ASAP1: variants seen among roughly 807,000 people sequenced by gnomAD.
ASAP1 encodes arf-GAP with SH3 domain, ANK repeat and PH domain-containing protein 1.
Under a neutral mutation model 145.2 loss-of-function variants are expected in ASAP1, and 43 were observed. The ratio of observed to expected loss-of-function variants is 0.30; its 90% CI spans 0.23 to 0.38. ASAP1 has a LOEUF of 0.38. Ranked by LOEUF, ASAP1 falls within the 10% of genes least tolerant of loss-of-function variation. The pLI is 1.00. For missense variants in ASAP1, 1,018 were observed against 1,355.3 expected, an observed-to-expected ratio of 0.75 and a Z score of 3.91; for synonymous variants, 546 against 515.5, an observed-to-expected ratio of 1.06 and a Z score of -0.80.
chr8:130,100,148 C>G (rs2097526113), intron 24 of ASAP1, among the ~76,000 whole-genome samples: 1 of 152,014 alleles, frequency 6.6e-6, no homozygotes, highest in Non-Finnish European at 1.5e-5. Flanking sequence ...ATAAGAGTTC[C>G]CCTTTCTCTG....
intron 27 of ASAP1, among the ~76,000 whole-genome samples, chr8:130,072,830 C>CGCGCGG (rs1448184178): frequency 4.4e-4 from 14 of 31,924 alleles, no homozygotes; most frequent in African/African-American, 1.8e-3. Flanking sequence ...TGTGTGCGCG[C>CGCGCGG]GGGGGGGGGC....
rs16904250 is a variant in ASAP1, at chr8:130,327,263, G to A, written c.186+30754C>T. 3.8e-3 allele frequency among the ~76,000 whole-genome samples: 580 copies of A among 152,202 alleles called. 1 individual carries two copies. Among genetic ancestry groups the A allele is most frequent in the African/African-American group, 0.012 (517 of 41,526 alleles). The stretch of plus-strand genomic sequence containing the variant: ...GCCCTGTCTGTCTTCCAATGGCTCC[G>A]CTCAAATAAGTCACTCATCCTCTCC... On this transcript the variant is annotated intron_variant, in intron 3 of 29. Transcript: ENST00000518721.
intron 3 of ASAP1, among the ~76,000 whole-genome samples, chr8:130,300,994 A>G (rs981343870): frequency 6.6e-6 from 1 of 152,166 alleles, no homozygotes; most frequent in Admixed American, 6.5e-5. Flanking sequence ...TCGCTAAATC[A>G]AAACCTAGGC....
At chr8:130,252,376 A>G (rs2136873345) in intron 3 of ASAP1, among the ~76,000 whole-genome samples, 1 of 152,316 alleles carries the variant, frequency 6.6e-6, no homozygotes, top group South Asian at 2.1e-4. Flanking sequence ...TTTTAAAATA[A>G]TTTCCTTATA....
chr8:130,421,785 C>T (rs991257776), intron 1 of ASAP1, among the ~76,000 whole-genome samples: 15 of 152,176 alleles, frequency 9.9e-5, no homozygotes, highest in Admixed American at 2.0e-4. Context: ...TTTGTTATTG[C>T]AGCTATTATC....
At chr8:130,199,281 T>C (rs1815711218) in intron 5 of ASAP1, among the ~76,000 whole-genome samples, 1 of 152,246 alleles carries the variant, frequency 6.6e-6, no homozygotes, top group African/African-American at 2.4e-5. Context: ...TGACTTGTTC[T>C]ATACACCAAA....
intron 3 of ASAP1, among the ~76,000 whole-genome samples, chr8:130,352,592 G>A (rs773376160): frequency 1.3e-5 from 2 of 152,170 alleles, no homozygotes; most frequent in African/African-American, 4.8e-5. Flanking sequence ...ACAGTAATGC[G>A]ATTAATCACA....
intron 25 of ASAP1, among the ~76,000 whole-genome samples, chr8:130,082,464 A>G (rs2097482808): frequency 6.7e-6 from 1 of 148,432 alleles, no homozygotes; most frequent in Non-Finnish European, 1.5e-5. Context: ...GGCCTCCCAA[A>G]GTGTTAGGAT....
intron 2 of ASAP1, among the ~76,000 whole-genome samples, chr8:130,387,760 T>A (rs1438040724): frequency 1.3e-5 from 2 of 152,076 alleles, no homozygotes; most frequent in Admixed American, 6.6e-5. Flanking sequence ...ATAACAGGCC[T>A]AGAATTGGTA....
chr8:130,302,106 A>C (rs1411786770), intron 3 of ASAP1, among the ~76,000 whole-genome samples: 1 of 152,272 alleles, frequency 6.6e-6, no homozygotes, highest in East Asian at 1.9e-4. Context: ...CTATAGTCTA[A>C]CATTAGGTAT....
intron 24 of ASAP1, among the ~76,000 whole-genome samples, chr8:130,109,914 A>G (rs2097543927): frequency 1.3e-5 from 2 of 152,298 alleles, no homozygotes; most frequent in South Asian, 2.1e-4. Context: ...AGCCATGAAG[A>G]ACACTCTTGG....
In ASAP1 at chr8:130,052,120, A is replaced by C. The variant is rs2097394221; in HGVS notation, c.*2611T>G. 6.5e-6 allele frequency: 1 copy of C among 152,690 alleles called. No individual in the cohort carries two copies. Among genetic ancestry groups the C allele is most frequent in the Non-Finnish European group, 1.5e-5 (1 of 68,052 alleles). The allele number at this position is 152,690 out of a possible 1,614,324, so 9.5% of individuals were successfully genotyped here. On this transcript the variant is annotated 3_prime_UTR_variant, in exon 30 of 30. Transcript: ENST00000518721. ...TTTCAGAAGTTTGGGATCAACTGAG[A>C]ATATGTTTATTTAAAAGCAATTTTA...
At chr8:130,157,358 A>G (rs1011188254) in intron 12 of ASAP1, among the ~76,000 whole-genome samples, 1 of 152,172 alleles carries the variant, frequency 6.6e-6, no homozygotes, top group Non-Finnish European at 1.5e-5. Context: ...TACACCCCAT[A>G]TCAGCAAGTC....
chr8:130,389,878 C>T (rs1490805123), intron 2 of ASAP1, among the ~76,000 whole-genome samples: 1 of 151,720 alleles, frequency 6.6e-6, no homozygotes, highest in Non-Finnish European at 1.5e-5. Flanking sequence ...ATTTTTTTTT[C>T]GTAGAGACAG....
At chr8:130,226,328 C>A (rs1002713883) in intron 4 of ASAP1, among the ~76,000 whole-genome samples, 4 of 152,082 alleles carry the variant, frequency 2.6e-5, no homozygotes, top group African/African-American at 4.8e-5. Flanking sequence ...GGTCTAAACT[C>A]TTTATTTTCT....
intron 25 of ASAP1, among the ~76,000 whole-genome samples, chr8:130,090,612 T>C (rs2097503560): frequency 6.6e-6 from 1 of 152,220 alleles, no homozygotes; most frequent in South Asian, 2.1e-4. Context: ...TTTCTAGTGT[T>C]TAGACAACAT....
chr8:130,277,583 A>C (rs1234742359), intron 3 of ASAP1, among the ~76,000 whole-genome samples: 2 of 152,240 alleles, frequency 1.3e-5, no homozygotes, highest in African/African-American at 4.8e-5. Flanking sequence ...CTCATGACAG[A>C]AACAAAAAAT....
At chr8:130,306,315 C>T (rs548417243) in intron 3 of ASAP1, among the ~76,000 whole-genome samples, 1 of 152,184 alleles carries the variant, frequency 6.6e-6, no homozygotes, top group Non-Finnish European at 1.5e-5. Flanking sequence ...TATTTCCTGA[C>T]TTCTATTTAG....
At position 130,238,744 on chromosome 8, in the gene ASAP1, AAGGTG is replaced by A. The variant is rs1359824563; in HGVS notation, c.187-1755_187-1751del. Among the ~76,000 whole-genome samples the A allele has an allele frequency of 1.1e-4, 17 of 152,282 alleles. No homozygotes were observed. The South Asian group carries it at 3.5e-3, about 32-fold the overall frequency. On this transcript the variant is annotated intron_variant, in intron 3 of 29. Transcript: ENST00000518721. ...CTTCAATAAATATTTATAGAAAGGC[AAGGTG>A]AGAAAGGTTAAGTAACTTTCCCAAG... is the stretch of plus-strand genomic sequence containing the variant.
Sources: gnomAD v4.1 joint callset for allele counts (sites outside exome capture counted in the v4.1 genomes callset) on GRCh38, gnomAD v4.1.1 for gene constraint, MANE v1.5 for transcripts, NCBI Gene and HGNC (gene_info 2026-07-23, HGNC 2026-07-21) for gene names.